Variants in ZNF730 observed in about 807,000 individuals in gnomAD.
The protein encoded by ZNF730 is zinc finger protein 730.
In ZNF730, 12 loss-of-function variants were observed where a neutral mutation model predicts 12.6. The observed-to-expected ratio is 0.95, with a 90% CI of 0.61 to 1.54. The LOEUF (loss-of-function observed/expected upper bound fraction) is 1.54, where lower values mean the gene tolerates loss of function less well. Among genes scored for constraint, ZNF730 ranks in the 40% most tolerant of loss-of-function variants. The probability of loss-of-function intolerance (pLI) is 0.00; values close to 1 mark genes in which losing one functional copy is unlikely to be tolerated. For missense variants in ZNF730, 643 were observed against 583.5 expected (o/e 1.10, Z -1.05); for synonymous variants, 194 against 195.8 (o/e 0.99, Z 0.08).
intron 1 of ZNF730, among the ~76,000 whole-genome samples, chr19:23,128,998 G>C (rs993829112): frequency 6.6e-6 from 1 of 152,144 alleles, no homozygotes; most frequent in African/African-American, 2.4e-5. Context: ...GAAGCCCCAA[G>C]CCTTGGCAGC....
chr19:23,086,028 A>G (rs1970059195), intron 1 of ZNF730, among the ~76,000 whole-genome samples: 1 of 151,778 alleles, frequency 6.6e-6, no homozygotes, highest in South Asian at 2.1e-4. Flanking sequence ...TATTTTTAAT[A>G]GAGACGGGGT....
intron 1 of ZNF730, among the ~76,000 whole-genome samples, chr19:23,109,914 G>C (rs1001732246): frequency 2.6e-5 from 4 of 151,928 alleles, no homozygotes; most frequent in African/African-American, 4.8e-5. Context: ...TGGTTATTAT[G>C]ACAAATTATT....
chr19:23,114,282 A>G (rs1480395511), upstream of ZNF730, among the ~76,000 whole-genome samples: 1 of 145,334 alleles, frequency 6.9e-6, no homozygotes, highest in Non-Finnish European at 1.5e-5. Context: ...TAGTTTATCT[A>G]AAGTTGTTTT....
At chr19:23,103,372 A>G (rs1970357104) in intron 1 of ZNF730, among the ~76,000 whole-genome samples, 1 of 152,264 alleles carries the variant, frequency 6.6e-6, no homozygotes, top group Non-Finnish European at 1.5e-5. Context: ...TAAAAGCACA[A>G]CAAGGTACTC....
At chr19:23,112,583 T>G (rs1453046459), upstream of ZNF730, among the ~76,000 whole-genome samples, 1 of 151,942 alleles carries the variant, frequency 6.6e-6, no homozygotes, top group Non-Finnish European at 1.5e-5. Flanking sequence ...TTAGTCAGCG[T>G]GGTGGTGCAC....
chr19:23,136,525 C>T (rs1337088908), intron 3 of ZNF730, among the ~76,000 whole-genome samples: 2 of 152,180 alleles, frequency 1.3e-5, no homozygotes, highest in East Asian at 3.9e-4. Flanking sequence ...CTGCCTCAGC[C>T]TCCTGAGTAG....
intron 1 of ZNF730, among the ~76,000 whole-genome samples, chr19:23,125,019 T>C (rs1196296918): frequency 2.0e-5 from 3 of 152,156 alleles, no homozygotes; most frequent in African/African-American, 7.2e-5. Flanking sequence ...CTCATGATAG[T>C]GAATGAGTTT....
chr19:23,102,566 G>A (rs1427323623), intron 1 of ZNF730, among the ~76,000 whole-genome samples: 1 of 151,592 alleles, frequency 6.6e-6, no homozygotes, highest in Non-Finnish European at 1.5e-5. Flanking sequence ...TGTGATCTCA[G>A]CTCACTGCAA....
intron 2 of ZNF730, among the ~76,000 whole-genome samples, chr19:23,134,652 C>G (rs1483322044): frequency 6.9e-6 from 1 of 144,178 alleles, no homozygotes; most frequent in African/African-American, 2.6e-5. Flanking sequence ...AGGTGAGGGG[C>G]GCTTCTGCCC....
chr19:23,142,016 C>T (rs1404128238), intron 3 of ZNF730, among the ~76,000 whole-genome samples: 1 of 151,966 alleles, frequency 6.6e-6, no homozygotes, highest in African/African-American at 2.4e-5. Context: ...GTTTAGAGCC[C>T]TAATGTGAGA....
chr19:23,140,230 TA>T (rs1211170399), intron 3 of ZNF730, among the ~76,000 whole-genome samples: 1 of 152,212 alleles, frequency 6.6e-6, no homozygotes, highest in Non-Finnish European at 1.5e-5. Context: ...TGTTTAATAA[TA>T]AATATTTCCT....
At chr19:23,098,127 G>A (rs779544404) in intron 1 of ZNF730, among the ~76,000 whole-genome samples, 2 of 151,330 alleles carry the variant, frequency 1.3e-5, no homozygotes. Flanking sequence ...CTGGGTGACA[G>A]AGTGAGACTC....
upstream of ZNF730, among the ~76,000 whole-genome samples, chr19:23,116,222 C>G (rs533741953): frequency 8.5e-5 from 13 of 152,264 alleles, no homozygotes; most frequent in Admixed American, 7.2e-4. Context: ...CCCTGTGGCC[C>G]CATCATCCTT....
At chr19:23,125,992 T>C (rs1321986524) in intron 1 of ZNF730, among the ~76,000 whole-genome samples, 1 of 152,320 alleles carries the variant, frequency 6.6e-6, no homozygotes, top group Non-Finnish European at 1.5e-5. Flanking sequence ...TACTAATGCA[T>C]TTGCTTTTCT....
Sources: allele counts gnomAD v4.1 joint callset (sites outside exome capture counted in the v4.1 genomes callset), GRCh38; gene constraint gnomAD v4.1.1; transcripts MANE v1.5; gene names NCBI Gene and HGNC (gene_info 2026-07-23, HGNC 2026-07-21).